Variants in CDCA4 observed in about 807,000 individuals in gnomAD.
CDCA4 encodes the protein cell division cycle associated 4.
For synonymous variants in CDCA4, 130 were observed against 137.0 expected, an observed-to-expected ratio of 0.95 and a Z score of 0.36; for missense variants, 294 against 322.1, an observed-to-expected ratio of 0.91 and a Z score of 0.67.
chr14:105,016,175 G>A (rs1900649352), intron 1 of CDCA4, among the ~76,000 whole-genome samples: 2 of 152,166 alleles, frequency 1.3e-5, no homozygotes, highest in Non-Finnish European at 1.5e-5. Flanking sequence ...TATTTCCACA[G>A]CTCACCATAG....
rs775051889 is a variant in CDCA4, at chr14:105,011,230, C to T, written c.700G>A (p.Val234Met). 3.4e-5 allele frequency: 54 copies of T among 1,611,872 alleles called. No individual in the cohort carries two copies. Among genetic ancestry groups the T allele is most frequent in the Middle Eastern group, 1.7e-4 (1 of 6,052 alleles). ...CAGGTCTCCACCAGGATCTCCACCA[C>T]GTGGTCCAGCTCGCCCAGGTCGGAC... Reference protein sequence around the residue: ...CKSDLGELDHVVEILVET With the variant: ...CKSDLGELDHMVEILVET Residue 234 changes from valine (V) to methionine (M), a missense_variant, in exon 2 of 2, where the codon GTG (valine) becomes ATG (methionine). Coordinates refer to ENST00000336219, the MANE Select transcript of CDCA4 (RefSeq NM_017955.4).
chr14:105,016,032 C>G (rs1424573138), intron 1 of CDCA4, among the ~76,000 whole-genome samples: 1 of 152,210 alleles, frequency 6.6e-6, no homozygotes, highest in Non-Finnish European at 1.5e-5. Context: ...CTGAGCTTCC[C>G]TGGATTCCAC....
chr14:105,012,049 TG>T, intron 1 of CDCA4, 114 bp from the exon 2 acceptor site: 1 of 1,237,616 alleles, frequency 8.1e-7, no homozygotes, highest in African/African-American at 1.5e-5. Context: ...ACTCCGTAAC[TG>T]GCAGGGACTT....
Position 105,010,980 on chromosome 14 carries a change from CAAG to C in CDCA4, c.*221_*223del, listed in dbSNP as rs1900482821. The C allele has an allele frequency of 1.7e-6, 1 of 589,670 alleles. No homozygotes were observed. The highest frequency in any genetic ancestry group is 3.0e-6 in the Non-Finnish European group (1 of 337,954). The allele number at this position is 589,670 out of a possible 1,614,324, so 36.5% of individuals were successfully genotyped here. On this transcript the variant is annotated 3_prime_UTR_variant, in exon 2 of 2. Coordinates refer to ENST00000336219, the MANE Select transcript of CDCA4 (RefSeq NM_017955.4). ...CCAGGGCTGTGGGGACGTCAGAAGA[CAAG>C]AAGCCTTCCAGAACAGCCTCTGCCT...
At chr14:105,017,348 G>A (rs867006412) in intron 1 of CDCA4, among the ~76,000 whole-genome samples, 5 of 151,982 alleles carry the variant, frequency 3.3e-5, no homozygotes, top group African/African-American at 1.2e-4. Context: ...TCAACTTCCC[G>A]AGTAGCTGGG....
In CDCA4 at chr14:105,011,885, T is replaced by C. The variant is rs759631223; in HGVS notation, c.45A>G (p.Glu15=). 3 of 1,613,692 alleles carry C rather than the reference T, an allele frequency of 1.9e-6. No individual in the cohort carries two copies. The highest frequency in any genetic ancestry group is 2.2e-5 in the South Asian group (2 of 91,050). Residue 15 remains glutamate (E), a synonymous_variant, in exon 2 of 2, where the codon GAA becomes GAG. Transcript: ENST00000336219. ...AGCCGGCCAGGGCTCCCTCCACGTC[T>C]TCCTCGTGGCCAACACATTTCCTCT... is the stretch of plus-strand genomic sequence containing the variant. The part of the protein sequence containing the change: ...GLKRKCVGHE[E]DVEGALAGLK...
Position 105,011,609 on chromosome 14 carries a change from C to T in CDCA4, c.321G>A (p.Gly107=). Residue 107 remains glycine (G), a synonymous_variant, in exon 2 of 2, where the codon GGG becomes GGA. Coordinates refer to ENST00000336219, the MANE Select transcript of CDCA4 (RefSeq NM_017955.4). ...CAGGAGCAGGATGTGCCCCCTCTTGCCCCCACGCTGCACGGCACAGGATCT... is the reference window on the plus strand; with the variant it reads ...CAGGAGCAGGATGTGCCCCCTCTTGTCCCCACGCTGCACGGCACAGGATCT... ...STEILCRAAW[G]QEGAHPAPGL... 6.2e-7 allele frequency: 1 copy of T among 1,613,686 alleles called. No homozygotes were observed. Among genetic ancestry groups the T allele is most frequent in the Non-Finnish European group, 8.5e-7 (1 of 1,180,020 alleles).
chr14:105,013,200 G>T (rs1309793360), intron 1 of CDCA4, among the ~76,000 whole-genome samples: 1 of 147,142 alleles, frequency 6.8e-6, no homozygotes, highest in Non-Finnish European at 1.5e-5. Context: ...TGTGCAAACT[G>T]TTTTTTTTTT....
intron 1 of CDCA4, among the ~76,000 whole-genome samples, 171 bp from the exon 2 acceptor site, chr14:105,012,106 G>A (rs1222504469): frequency 1.3e-5 from 2 of 152,202 alleles, no homozygotes; most frequent in East Asian, 1.9e-4. Flanking sequence ...GGAGCCCAGT[G>A]GGAGACCCCC....
At chr14:105,017,305 T>TA (rs1900677512) in intron 1 of CDCA4, among the ~76,000 whole-genome samples, 1 of 151,910 alleles carries the variant, frequency 6.6e-6, no homozygotes, top group South Asian at 2.1e-4. Context: ...CTCCACCTCC[T>TA]AGGTTCAAGC....
chr14:105,012,412 G>A (rs947886932), intron 1 of CDCA4, among the ~76,000 whole-genome samples: 3 of 152,222 alleles, frequency 2.0e-5, no homozygotes, highest in Admixed American at 6.5e-5. Flanking sequence ...GCACACACAC[G>A]TACCATTCTG....
intron 1 of CDCA4, among the ~76,000 whole-genome samples, chr14:105,019,193 G>C (rs571927458): frequency 2.6e-4 from 40 of 152,266 alleles, no homozygotes; most frequent in African/African-American, 8.4e-4. Flanking sequence ...GAAAAACGAA[G>C]AGGGCCAGAC....
chr14:105,021,067 G>T lies in CDCA4; in HGVS notation c.-75C>A. The T allele has an allele frequency of 6.5e-6, 1 of 152,728 alleles. No individual in the cohort carries two copies. Among genetic ancestry groups the T allele is most frequent in the South Asian group, 1.8e-4 (1 of 5,514 alleles). The allele number at this position is 152,728 out of a possible 1,614,324, so 9.5% of individuals were successfully genotyped here. On this transcript the variant is annotated 5_prime_UTR_variant, in exon 1 of 2. Transcript: ENST00000336219. ...CCACCGCCGCTGCCGCCAGCTTCCC[G>T]CCGCTGAGGAAGGAGCGCCCGACGG...
intron 1 of CDCA4, among the ~76,000 whole-genome samples, chr14:105,018,360 G>C (rs996870354): frequency 3.9e-5 from 6 of 152,076 alleles, no homozygotes; most frequent in Admixed American, 1.3e-4. Flanking sequence ...TTAATTCTGT[G>C]TTGTACCCAA....
rs1452357986 is a variant in CDCA4 at position 105,010,639 on chromosome 14, A to C, written c.*565T>G. ...TGAGACTGTAGTGATGCTCACTGCA[A>C]AAAACAAAACAAAACAAAAAACCCT... On this transcript the variant is annotated 3_prime_UTR_variant, in exon 2 of 2. Coordinates refer to ENST00000336219, the MANE Select transcript of CDCA4 (RefSeq NM_017955.4). 1 of 152,836 alleles carries C rather than the reference A, an allele frequency of 6.5e-6. No homozygotes were observed. Among genetic ancestry groups the C allele is most frequent in the Non-Finnish European group, 1.5e-5 (1 of 68,380 alleles). 9.5% of individuals were successfully genotyped at this position (152,836 alleles called of 1,614,324 possible).
Position 105,011,240 on chromosome 14 carries a change from CTCGCCCAGG to C in CDCA4, c.681_689del (p.Asp227_Gly229del). On this transcript the variant is annotated inframe_deletion, in exon 2 of 2. Coordinates refer to ENST00000336219, the MANE Select transcript of CDCA4 (RefSeq NM_017955.4). ...CCAGGATCTCCACCACGTGGTCCAGCTCGCCCAGGTCGGACTTGCAGCTGGAGCTAGGGC... is the reference window on the plus strand; with the variant it reads ...CCAGGATCTCCACCACGTGGTCCAGCTCGGACTTGCAGCTGGAGCTAGGGC... 1 of 1,612,828 alleles carries C rather than the reference CTCGCCCAGG, an allele frequency of 6.2e-7. No individual in the cohort carries two copies. Among genetic ancestry groups the C allele is most frequent in the South Asian group, 1.1e-5 (1 of 90,932 alleles).
At chr14:105,012,839 C>G (rs927763464) in intron 1 of CDCA4, among the ~76,000 whole-genome samples, 2 of 152,200 alleles carry the variant, frequency 1.3e-5, no homozygotes, top group Non-Finnish European at 2.9e-5. Context: ...CTCGAGAGCT[C>G]TGACCAGCCC....
At chr14:105,015,949 C>T (rs975599971) in intron 1 of CDCA4, among the ~76,000 whole-genome samples, 16 of 151,656 alleles carry the variant, frequency 1.1e-4, no homozygotes, top group African/African-American at 1.2e-4. Flanking sequence ...CGTCAGCCAC[C>T]GTGCCAGGCC....
chr14:105,015,317 T>C (rs1033181731), intron 1 of CDCA4, among the ~76,000 whole-genome samples: 1 of 74,024 alleles, frequency 1.4e-5, no homozygotes, highest in African/African-American at 3.4e-5. Flanking sequence ...TAGCAATACG[T>C]GACCGTCAGA....
Sources: gnomAD v4.1 joint callset for allele counts (sites outside exome capture counted in the v4.1 genomes callset) on GRCh38, gnomAD v4.1.1 for gene constraint, MANE v1.5 for transcripts, NCBI Gene and HGNC (gene_info 2026-07-23, HGNC 2026-07-21) for gene names.